Variants in SLC9A8 observed in about 807,000 individuals in gnomAD.
SLC9A8 encodes the protein sodium/hydrogen exchanger 8.
In SLC9A8, 48 loss-of-function variants were observed where a neutral mutation model predicts 66.6. The observed-to-expected ratio is 0.72, with a 90% confidence interval of 0.57 to 0.92. The LOEUF (loss-of-function observed/expected upper bound fraction) is 0.92. Among genes scored for constraint, SLC9A8 ranks in the 40% least tolerant of loss-of-function variants. The probability of loss-of-function intolerance (pLI) is 0.00; values close to 1 mark genes in which losing one functional copy is unlikely to be tolerated. For missense variants in SLC9A8, 599 were observed against 747.3 expected (o/e 0.80, Z 2.31); for synonymous variants, 274 against 282.6 (o/e 0.97, Z 0.31).
chr20:49,868,763 G>A (rs1435078361), intron 10 of SLC9A8, among the ~76,000 whole-genome samples: 1 of 152,184 alleles, frequency 6.6e-6, no homozygotes, highest in African/African-American at 2.4e-5. Context: ...CCAGCCTGAC[G>A]CCTTTGCTGA....
At chr20:49,850,887 A>G in intron 7 of SLC9A8, 43 bp downstream of exon 7, 1 of 1,462,572 alleles carries the variant, frequency 6.8e-7, no homozygotes, top group Non-Finnish European at 9.5e-7. Context: ...TGCTTTTCAG[A>G]CAGGGGAAAT....
rs1409642053 is a variant in SLC9A8, at chr20:49,834,183, CTCTATATA to C, written c.290-5356_290-5349del. 8.5e-3 allele frequency among the ~76,000 whole-genome samples: 315 copies of C among 36,980 alleles called. 1 individual carries two copies. Among genetic ancestry groups the C allele is most frequent in the South Asian group, 0.024 (29 of 1,190 alleles). The allele number at this position is 36,980 out of a possible 152,430, so 24.3% of individuals were successfully genotyped here. A position where few individuals can be genotyped will look rare whatever the true frequency, so the allele number is the denominator to read the frequency against. On this transcript the variant is annotated intron_variant, in intron 3 of 15. Transcript: ENST00000361573. Reference sequence around the variant, plus strand: ...TCTCTCTCTCTCTCTCTCTCTCTCTCTCTATATATATATATATATATATATATATATAC... The same window carrying C: ...TCTCTCTCTCTCTCTCTCTCTCTCTCTATATATATATATATATATATATAC...
At chr20:49,869,703 C>A (rs545785493) in intron 10 of SLC9A8, among the ~76,000 whole-genome samples, 1 of 151,930 alleles carries the variant, frequency 6.6e-6, no homozygotes, top group Non-Finnish European at 1.5e-5. Flanking sequence ...CATGGTGGCA[C>A]GTGCTGGTAG....
chr20:49,824,868 C>T (rs1421283023), intron 3 of SLC9A8, among the ~76,000 whole-genome samples: 1 of 152,234 alleles, frequency 6.6e-6, no homozygotes, highest in Non-Finnish European at 1.5e-5. Flanking sequence ...GGGGTAGGGG[C>T]GGCAAGGCAG....
chr20:49,827,174 G>A (rs955035710), intron 3 of SLC9A8, among the ~76,000 whole-genome samples: 4 of 151,146 alleles, frequency 2.6e-5, no homozygotes, highest in Admixed American at 6.6e-5. Context: ...ACTCCTGACC[G>A]CAAGTGATCT....
chr20:49,862,995 C>A lies in SLC9A8; in HGVS notation c.780C>A (p.Ala260=). Residue 260 remains alanine, a synonymous_variant, in exon 9 of 16, where the codon GCC becomes GCA. Transcript: ENST00000361573. The part of the protein sequence containing the change: ...DVSGWQTFLQ[A]LDYFLKMFFG... ...GTGGGTGGCAAACATTTTTACAAGC[C>A]CTTGACTACTTCCTCAAAATGTTCT... The A allele has an allele frequency of 6.2e-7, 1 of 1,613,610 alleles. No individual in the cohort carries two copies. Among genetic ancestry groups the A allele is most frequent in the Middle Eastern group, 1.6e-4 (1 of 6,062 alleles).
intron 5 of SLC9A8, among the ~76,000 whole-genome samples, chr20:49,846,847 C>T (rs1600712453): frequency 6.6e-6 from 1 of 152,074 alleles, no homozygotes; most frequent in Non-Finnish European, 1.5e-5. Flanking sequence ...AGCTTGAACT[C>T]GGGAGGTGGA....
At chr20:49,853,044 A>G (rs1344445809) in intron 7 of SLC9A8, among the ~76,000 whole-genome samples, 5 of 152,166 alleles carry the variant, frequency 3.3e-5, no homozygotes, top group Non-Finnish European at 7.3e-5. Context: ...ATTATGAAAA[A>G]TTTTAAACAT....
At chr20:49,879,490 A>G (rs2089547823) in intron 12 of SLC9A8, among the ~76,000 whole-genome samples, 1 of 152,272 alleles carries the variant, frequency 6.6e-6, no homozygotes, top group African/African-American at 2.4e-5. Context: ...ATGTAAAATG[A>G]TTAGCATGTT....
At chr20:49,857,438 C>T (rs962980990) in intron 8 of SLC9A8, among the ~76,000 whole-genome samples, 1 of 152,240 alleles carries the variant, frequency 6.6e-6, no homozygotes, top group African/African-American at 2.4e-5. Context: ...TACTACAGGG[C>T]TGGGCGCGGT....
chr20:49,887,871 A>G lies in SLC9A8; in HGVS notation c.1681A>G (p.Lys561Glu). The G allele has an allele frequency of 6.2e-7, 1 of 1,613,048 alleles. No individual in the cohort carries two copies. Among genetic ancestry groups the G allele is most frequent in the Non-Finnish European group, 8.5e-7 (1 of 1,179,456 alleles). ...CATCCAGATGAAAACTCTCACCAAC[A>G]AGTGGTACGAGGAGGTACGCCAGGG... Reference protein sequence around the residue: ...GRIQMKTLTNKWYEEVRQGPS... With the variant: ...GRIQMKTLTNEWYEEVRQGPS... Residue 561 changes from lysine (K) to glutamate (E), a missense_variant, in exon 16 of 16, where the codon AAG (lysine) becomes GAG (glutamate). By Grantham distance (56) the Lys-to-Glu change is moderately conservative. Coordinates refer to ENST00000361573, the MANE Select transcript of SLC9A8 (RefSeq NM_015266.3).
At chr20:49,887,462 A>C (rs1248987044) in intron 15 of SLC9A8, among the ~76,000 whole-genome samples, 2 of 152,192 alleles carry the variant, frequency 1.3e-5, no homozygotes, top group African/African-American at 4.8e-5. Flanking sequence ...CATCCTGTGC[A>C]GTGGATGCAG....
rs544649448 is a variant in SLC9A8, at chr20:49,892,137, C to G, written c.*4201C>G. On this transcript the variant is annotated 3_prime_UTR_variant, in exon 16 of 16. Coordinates refer to ENST00000361573, the MANE Select transcript of SLC9A8 (RefSeq NM_015266.3). ...GGACCTGTGGCTGCCATGCAGGAGC[C>G]CCTGCGTCATCTCGTTGGACTCTTT... The G allele has an allele frequency of 6.6e-6, 1 of 152,190 alleles. No individual in the cohort carries two copies. Among genetic ancestry groups the G allele is most frequent in the East Asian group, 1.9e-4 (1 of 5,188 alleles). 9.4% of individuals were successfully genotyped at this position (152,190 alleles called of 1,614,324 possible). A position where few individuals can be genotyped will look rare whatever the true frequency, so the allele number is the denominator to read the frequency against.
At chr20:49,836,910 A>G (rs1306690308) in intron 3 of SLC9A8, among the ~76,000 whole-genome samples, 1 of 152,194 alleles carries the variant, frequency 6.6e-6, no homozygotes, top group Non-Finnish European at 1.5e-5. Flanking sequence ...TCACTAAGCT[A>G]AAGGGAAAGG....
chr20:49,814,791 C>T (rs937490592), intron 1 of SLC9A8, among the ~76,000 whole-genome samples: 1 of 152,100 alleles, frequency 6.6e-6, no homozygotes, highest in African/African-American at 2.4e-5. Flanking sequence ...CCGTTCTTGT[C>T]CTCTAAGTGG....
rs191358920 is a variant in SLC9A8 at position 49,817,266 on chromosome 20, G to A, written c.208+2077G>A. 2.0e-3 allele frequency among the ~76,000 whole-genome samples: 307 copies of A among 151,910 alleles called. 1 individual carries two copies. The highest frequency in any genetic ancestry group is 7.1e-3 in the African/African-American group (293 of 41,460). On this transcript the variant is annotated intron_variant, in intron 2 of 15. Coordinates refer to ENST00000361573, the MANE Select transcript of SLC9A8 (RefSeq NM_015266.3). ...CGGGAGGCAGAGGTTGCAGTAAGCC[G>A]AGATCGCGCCACTGCACTCCAGCCT...
intron 3 of SLC9A8, chr20:49,830,516 C>T (rs1479816071): frequency 7.7e-5 from 55 of 713,530 alleles, no homozygotes; most frequent in Non-Finnish European, 1.1e-4. Flanking sequence ...CAACGGTGGA[C>T]GCTGACATAG....
At chr20:49,817,085 T>C (rs977526885) in intron 2 of SLC9A8, among the ~76,000 whole-genome samples, 1 of 150,344 alleles carries the variant, frequency 6.7e-6, no homozygotes, top group Non-Finnish European at 1.5e-5. Flanking sequence ...CCCAGCACTT[T>C]CGCGTGGATC....
intron 2 of SLC9A8, among the ~76,000 whole-genome samples, chr20:49,820,656 C>A (rs1471032096): frequency 6.6e-6 from 1 of 151,982 alleles, no homozygotes. Context: ...AAGTGATTCT[C>A]CTGTCTCAGC....
Sources: allele counts gnomAD v4.1 joint callset (sites outside exome capture counted in the v4.1 genomes callset), GRCh38; gene constraint gnomAD v4.1.1; transcripts MANE v1.5; gene names NCBI Gene and HGNC (gene_info 2026-07-23, HGNC 2026-07-21).